The following FARSB variants were observed in gnomAD, a reference collection of about 807,000 sequenced individuals.
FARSB encodes phenylalanine--tRNA ligase beta subunit.
A neutral mutation model predicts 69.6 loss-of-function variants in FARSB; 40 were observed. The ratio of observed to expected loss-of-function variants is 0.57; its 90% confidence interval spans 0.45 to 0.75. The LOEUF is 0.75. FARSB is among the 30% of genes least tolerant of loss of function. FARSB has a pLI of 0.00. For missense variants in FARSB, 632 were observed against 722.9 expected (o/e 0.87, Z 1.44); for synonymous variants, 235 against 247.2 (o/e 0.95, Z 0.46).
At chr2:222,628,745 G>A (rs1574942562) in intron 10 of FARSB, 92 bp downstream of exon 10, 1 of 833,786 alleles carries the variant, frequency 1.2e-6, no homozygotes, top group East Asian at 2.5e-5. Flanking sequence ...TGGGTAGGTA[G>A]GGGATGGATA....
chr2:222,647,769 A>G (rs1473403270), intron 2 of FARSB, among the ~76,000 whole-genome samples: 4 of 152,210 alleles, frequency 2.6e-5, no homozygotes, highest in African/African-American at 7.2e-5. Context: ...TATAAAGCAC[A>G]TTGGGCCAGG....
At position 222,624,302 on chromosome 2, in the gene FARSB, A is replaced by G; in HGVS notation, c.1140T>C (p.Thr380=). 1.2e-6 allele frequency: 2 copies of G among 1,611,594 alleles called. No homozygotes were observed. Among genetic ancestry groups the G allele is most frequent in the Non-Finnish European group, 1.7e-6 (2 of 1,178,614 alleles). Residue 380 remains threonine, a synonymous_variant, in exon 12 of 17, where the codon ACT becomes ACC. Transcript: ENST00000281828. ...TAGCTATGGTGTAAGTTTTCGGGAG[A>G]GTCATCTGAATGTTGTTATATCCAT... is the stretch of plus-strand genomic sequence containing the variant. ...IAYGYNNIQM[T]LPKTYTIANQ... is the part of the protein sequence containing the mutation.
intron 15 of FARSB, among the ~76,000 whole-genome samples, chr2:222,601,812 C>T (rs756228069): frequency 3.4e-4 from 52 of 152,048 alleles, no homozygotes; most frequent in Admixed American, 9.2e-4. Flanking sequence ...CATAGGCACA[C>T]GCCACCACAC....
chr2:222,637,558 T>C (rs1691616559), intron 5 of FARSB, among the ~76,000 whole-genome samples: 1 of 152,182 alleles, frequency 6.6e-6, no homozygotes, highest in Non-Finnish European at 1.5e-5. Context: ...AAAACTTCAC[T>C]GCTCATGTAG....
At position 222,616,062 on chromosome 2, in the gene FARSB, C is replaced by T. The variant is rs116531547; in HGVS notation, c.1345-2134G>A. The stretch of plus-strand genomic sequence containing the variant: ...ATTAAACCTGAATCTGATCAAGCTT[C>T]TATATCCAACTACCAATTTACTGGA... On this transcript the variant is annotated intron_variant, in intron 14 of 16. Transcript: ENST00000281828. Among the ~76,000 whole-genome samples, 408 of 152,280 alleles carry T rather than the reference C, an allele frequency of 2.7e-3. 2 individuals are homozygous for T. The highest frequency in any genetic ancestry group is 4.7e-3 in the Non-Finnish European group (317 of 68,030).
intron 13 of FARSB, among the ~76,000 whole-genome samples, chr2:222,622,610 A>G (rs1196042584): frequency 6.6e-6 from 1 of 152,226 alleles, no homozygotes; most frequent in African/African-American, 2.4e-5. Flanking sequence ...GTGTGTATAT[A>G]TATGTGCAAA....
At chr2:222,612,615 TGCAGAGTCTAGAGTAA>T (rs1690887555) in intron 15 of FARSB, among the ~76,000 whole-genome samples, 1 of 152,268 alleles carries the variant, frequency 6.6e-6, no homozygotes, top group Non-Finnish European at 1.5e-5. Flanking sequence ...CTCTGAATTC[TGCAGAGTCTAGAGTAA>T]GCATCGCTGC....
chr2:222,598,942 A>T (rs761317764), intron 16 of FARSB, among the ~76,000 whole-genome samples: 11 of 66,052 alleles, frequency 1.7e-4, no homozygotes, highest in African/African-American at 3.3e-4. Flanking sequence ...TCATTTATTT[A>T]AAAAAAAAAA....
Position 222,600,035 on chromosome 2 carries a change from T to C in FARSB, c.1511A>G (p.Lys504Arg). ...ATGAATGATCTCAAACCCAGGATTC[T>C]TGTTGTAATAAACAGCACAGAGATG... ...YRHLCAVYYN[K>R]NPGFEIIHGL... The change falls in exon 16 of 17, where the codon AAG (lysine) becomes AGG (arginine). Residue 504 changes from lysine to arginine, a missense_variant. By Grantham distance (26) the Lys-to-Arg change is conservative (BLOSUM62 2). Transcript: ENST00000281828. The C allele has an allele frequency of 6.2e-7, 1 of 1,610,758 alleles. No individual in the cohort carries two copies. The highest frequency in any genetic ancestry group is 8.5e-7 in the Non-Finnish European group (1 of 1,179,242).
intron 2 of FARSB, chr2:222,644,575 G>A (rs1488071040): frequency 2.2e-6 from 1 of 447,342 alleles, no homozygotes; most frequent in Non-Finnish European, 4.5e-6. Context: ...CCTATATACA[G>A]AGAAGATAAT....
chr2:222,630,685 T>C (rs932021419), intron 8 of FARSB, among the ~76,000 whole-genome samples: 1 of 152,154 alleles, frequency 6.6e-6, no homozygotes, highest in Admixed American at 6.5e-5. Flanking sequence ...TCAAAAAAAA[T>C]TCTTAGAAAA....
intron 13 of FARSB, among the ~76,000 whole-genome samples, chr2:222,622,243 CAT>C (rs1691155737): frequency 2.0e-5 from 3 of 152,324 alleles, no homozygotes; most frequent in African/African-American, 7.2e-5. Flanking sequence ...TTCGAAGACA[CAT>C]GAGGCTCTAA....
At chr2:222,572,861 C>T (rs1233345893) in intron 16 of FARSB, among the ~76,000 whole-genome samples, 2 of 152,202 alleles carry the variant, frequency 1.3e-5, no homozygotes, top group Non-Finnish European at 2.9e-5. Flanking sequence ...AGTAAATTAT[C>T]AGTGTTCTGT....
chr2:222,578,499 C>CTT (rs1295909093), intron 16 of FARSB, among the ~76,000 whole-genome samples: 1 of 152,196 alleles, frequency 6.6e-6, no homozygotes, highest in Non-Finnish European at 1.5e-5. Context: ...ATTTTGATAG[C>CTT]TGTTTTAGTT....
rs924726743 is a variant in FARSB, at chr2:222,628,996, A to T, written c.849-108T>A. The T allele has an allele frequency of 5.5e-5, 42 of 759,074 alleles. No homozygotes were observed. In the African/African-American group the frequency reaches 6.7e-4, roughly 12 times the overall value. 47.0% of individuals were successfully genotyped at this position (759,074 alleles called of 1,614,324 possible). A position where few individuals can be genotyped will look rare whatever the true frequency, so the allele number is the denominator to read the frequency against. Reference sequence around the variant, plus strand: ...CATTTGGGCTACAACTACAGCCTCAACATACTCCATCTATCGCATTCCAGC... The same window carrying T: ...CATTTGGGCTACAACTACAGCCTCATCATACTCCATCTATCGCATTCCAGC... On this transcript the variant is annotated intron_variant, in intron 9 of 16. Transcript: ENST00000281828.
chr2:222,626,104 C>A (rs1691263043), intron 10 of FARSB, among the ~76,000 whole-genome samples: 1 of 151,944 alleles, frequency 6.6e-6, no homozygotes, highest in Non-Finnish European at 1.5e-5. Context: ...AAAAAGTTGG[C>A]TGGGCATGGT....
At chr2:222,649,374 C>A (rs1047907075) in intron 1 of FARSB, among the ~76,000 whole-genome samples, 1 of 151,478 alleles carries the variant, frequency 6.6e-6, no homozygotes, top group African/African-American at 2.4e-5. Context: ...TGCATGTACA[C>A]AGAAGAAAAA....
At chr2:222,591,557 G>A (rs1690277253) in intron 16 of FARSB, among the ~76,000 whole-genome samples, 1 of 152,190 alleles carries the variant, frequency 6.6e-6, no homozygotes, top group African/African-American at 2.4e-5. Flanking sequence ...AAGTAAGGTA[G>A]AAAGAGAAGA....
At chr2:222,597,810 T>C (rs185193346) in intron 16 of FARSB, among the ~76,000 whole-genome samples, 2 of 152,236 alleles carry the variant, frequency 1.3e-5, no homozygotes, top group African/African-American at 4.8e-5. Flanking sequence ...CTGCTCTCCA[T>C]CCCACCCAAC....
Sources: allele counts gnomAD v4.1 joint callset (sites outside exome capture counted in the v4.1 genomes callset), GRCh38; gene constraint gnomAD v4.1.1; transcripts MANE v1.5; gene names NCBI Gene and HGNC (gene_info 2026-07-23, HGNC 2026-07-21).